The following GRM3 variants were observed in gnomAD, a reference collection of about 807,000 sequenced individuals.
The protein encoded by GRM3 is glutamate metabotropic receptor 3, also known as metabotropic glutamate receptor 3.
GRM3 carries 26 observed loss-of-function variants against 70.5 expected under a neutral mutation model. That is an observed-to-expected ratio of 0.37 (90% CI 0.27 to 0.51). The LOEUF (loss-of-function observed/expected upper bound fraction) is 0.51, where lower values mean the gene tolerates loss of function less well. GRM3 is among the 20% of genes least tolerant of loss of function. GRM3 has a pLI of 0.93. For missense variants in GRM3, 859 were observed against 1,123.8 expected (o/e 0.76, Z 3.37); for synonymous variants, 443 against 434.9 (o/e 1.02, Z -0.23).
At chr7:86,687,576 C>T (rs1562825867) in intron 1 of GRM3, among the ~76,000 whole-genome samples, 2 of 150,290 alleles carry the variant, frequency 1.3e-5, no homozygotes, top group Non-Finnish European at 1.5e-5. Context: ...AAACAAAAGC[C>T]GAGAATGTTT....
At position 86,765,138 on chromosome 7, in the gene GRM3, C is replaced by T. The variant is rs775591248; in HGVS notation, c.-8C>T. On this transcript the variant is annotated 5_prime_UTR_variant, in exon 2 of 6. Coordinates refer to ENST00000361669, the MANE Select transcript of GRM3 (RefSeq NM_000840.3). ...TTGATATCTCCCAGAGGTACAGAAA[C>T]AGGATTCATGAAGATGTTGACAAGA... is the stretch of plus-strand genomic sequence containing the variant. 24 of 1,557,808 alleles carry T rather than the reference C, an allele frequency of 1.5e-5. No homozygotes were observed. Among genetic ancestry groups the T allele is most frequent in the Non-Finnish European group, 2.0e-5 (23 of 1,156,782 alleles).
intron 1 of GRM3, among the ~76,000 whole-genome samples, chr7:86,652,732 C>T (rs1303726047): frequency 6.6e-6 from 1 of 152,164 alleles, no homozygotes; most frequent in Non-Finnish European, 1.5e-5. Context: ...TAACCTCTCC[C>T]TTTCCTTTAT....
chr7:86,672,634 C>T (rs759372888), intron 1 of GRM3, among the ~76,000 whole-genome samples: 42 of 151,618 alleles, frequency 2.8e-4, no homozygotes, highest in Admixed American at 1.3e-4. Context: ...ATGGCTGGCT[C>T]CCTTGTGGGG....
intron 1 of GRM3, among the ~76,000 whole-genome samples, chr7:86,645,980 T>TGGGTG (rs1562811178): frequency 2.0e-5 from 1 of 50,216 alleles, no homozygotes; most frequent in Middle Eastern, 9.8e-3. Context: ...TTCTTTGTGG[T>TGGGTG]GGGCGGGGGG....
chr7:86,728,953 T>C (rs568264279), intron 1 of GRM3, among the ~76,000 whole-genome samples: 1 of 152,230 alleles, frequency 6.6e-6, no homozygotes, highest in Non-Finnish European at 1.5e-5. Flanking sequence ...TTTCCTAGTA[T>C]AAAAAAAGCA....
chr7:86,714,575 A>G (rs1249519467), intron 1 of GRM3, among the ~76,000 whole-genome samples: 8 of 152,044 alleles, frequency 5.3e-5, no homozygotes, highest in Non-Finnish European at 1.0e-4. Context: ...ATCTTTTTAA[A>G]TACTACACTA....
chr7:86,722,704 T>C (rs1219058222), intron 1 of GRM3, among the ~76,000 whole-genome samples: 3 of 152,026 alleles, frequency 2.0e-5, no homozygotes, highest in South Asian at 4.2e-4. Flanking sequence ...TGTACACCTA[T>C]GTAACCTGCA....
At chr7:86,724,243 G>T (rs117942327) in intron 1 of GRM3, among the ~76,000 whole-genome samples, 2,141 of 152,230 alleles carry the variant, frequency 0.014, 24 homozygotes, top group Non-Finnish European at 0.019. Context: ...TAGGATGGTT[G>T]CTGATTCCCT....
intron 3 of GRM3, among the ~76,000 whole-genome samples, chr7:86,826,516 C>T (rs892156347): frequency 5.9e-5 from 9 of 151,958 alleles, no homozygotes; most frequent in African/African-American, 9.7e-5. Flanking sequence ...ATAATTGAAA[C>T]GGCTGATGAA....
intron 1 of GRM3, among the ~76,000 whole-genome samples, chr7:86,741,820 G>T (rs926690031): frequency 1.3e-5 from 2 of 152,106 alleles, no homozygotes; most frequent in Admixed American, 6.6e-5. Flanking sequence ...CATATGTTTT[G>T]TACCTAGCAT....
intron 3 of GRM3, among the ~76,000 whole-genome samples, chr7:86,834,927 C>A (rs1189981935): frequency 1.3e-5 from 2 of 152,072 alleles, no homozygotes; most frequent in East Asian, 3.9e-4. Context: ...TCTTAATGAA[C>A]TTTCTCTAAT....
chr7:86,656,048 T>C (rs899309430), intron 1 of GRM3, among the ~76,000 whole-genome samples: 2 of 152,140 alleles, frequency 1.3e-5, no homozygotes, highest in African/African-American at 4.8e-5. Flanking sequence ...GTTTGATTCC[T>C]TTCAGTAGTG....
chr7:86,857,253 G>C (rs1165394781), intron 5 of GRM3, among the ~76,000 whole-genome samples: 1 of 151,840 alleles, frequency 6.6e-6, no homozygotes, highest in Non-Finnish European at 1.5e-5. Context: ...GTCCCATAAT[G>C]ACACTACGTA....
In GRM3 at chr7:86,824,281, A is replaced by G. The variant is rs184540041; in HGVS notation, c.1325-14558A>G. Among the ~76,000 whole-genome samples, 383 of 152,312 alleles carry G rather than the reference A, an allele frequency of 2.5e-3. 2 individuals are homozygous for G. The highest frequency in any genetic ancestry group is 0.018 in the South Asian group (85 of 4,828). ...GAAGCAAAAGTTCCCTTTTCATGGG[A>G]CTGAGGCTAAAACTTGATCTAAGAA... On this transcript the variant is annotated intron_variant, in intron 3 of 5. Transcript: ENST00000361669.
intron 1 of GRM3, among the ~76,000 whole-genome samples, chr7:86,681,673 A>G (rs1794444990): frequency 6.6e-6 from 1 of 152,086 alleles, no homozygotes; most frequent in Non-Finnish European, 1.5e-5. Flanking sequence ...TCTGGTATAT[A>G]TTTGAATGCT....
At chr7:86,706,254 A>G (rs1795054970) in intron 1 of GRM3, among the ~76,000 whole-genome samples, 1 of 152,084 alleles carries the variant, frequency 6.6e-6, no homozygotes, top group African/African-American at 2.4e-5. Flanking sequence ...AGTTTAAAGT[A>G]GGGTGAGTAG....
At chr7:86,858,726 A>C (rs894629212) in intron 5 of GRM3, among the ~76,000 whole-genome samples, 1 of 152,236 alleles carries the variant, frequency 6.6e-6, no homozygotes, top group African/African-American at 2.4e-5. Context: ...GTCATTAAAA[A>C]GGGTCATGAC....
At chr7:86,806,111 G>A (rs1797786106) in intron 3 of GRM3, among the ~76,000 whole-genome samples, 1 of 152,154 alleles carries the variant, frequency 6.6e-6, no homozygotes, top group South Asian at 2.1e-4. Context: ...GTATTCCATG[G>A]TGTATATGTG....
At chr7:86,666,515 A>G (rs1014549622) in intron 1 of GRM3, among the ~76,000 whole-genome samples, 1 of 152,120 alleles carries the variant, frequency 6.6e-6, no homozygotes, top group Non-Finnish European at 1.5e-5. Context: ...ATTTAAAAGT[A>G]GCTATCCCTC....
Sources: allele counts gnomAD v4.1 joint callset (sites outside exome capture counted in the v4.1 genomes callset), GRCh38; gene constraint gnomAD v4.1.1; transcripts MANE v1.5; gene names NCBI Gene and HGNC (gene_info 2026-07-23, HGNC 2026-07-21).